Variants in NAE1 observed in about 807,000 individuals in gnomAD.
NAE1 encodes the protein NEDD8-activating enzyme E1 regulatory subunit.
NAE1 carries 59 observed loss-of-function variants against 88.0 expected under a neutral mutation model. The observed-to-expected ratio is 0.67, with a 90% CI of 0.54 to 0.83. The LOEUF (loss-of-function observed/expected upper bound fraction) is 0.83. Ranked by LOEUF, NAE1 falls within the 40% of genes least tolerant of loss-of-function variation. The probability of loss-of-function intolerance (pLI) is 0.00; values close to 1 mark genes in which losing one functional copy is unlikely to be tolerated. For synonymous variants in NAE1, 186 were observed against 208.9 expected (o/e 0.89, Z 0.95); for missense variants, 554 against 632.8 (o/e 0.88, Z 1.34).
intron 19 of NAE1, among the ~76,000 whole-genome samples, chr16:66,804,698 C>T (rs887253298): frequency 6.6e-6 from 1 of 152,028 alleles, no homozygotes; most frequent in Non-Finnish European, 1.5e-5. Flanking sequence ...AATCCTAACC[C>T]CCAGTGTAAT....
intron 15 of NAE1, 45 bp downstream of exon 15, chr16:66,810,329 C>T: frequency 4.8e-6 from 7 of 1,473,684 alleles, no homozygotes; most frequent in African/African-American, 1.4e-5. Flanking sequence ...CCCTGTGGCA[C>T]ATTTCTATCA....
intron 13 of NAE1, among the ~76,000 whole-genome samples, chr16:66,812,682 T>TA (rs1388119406): frequency 6.6e-6 from 1 of 151,360 alleles, no homozygotes; most frequent in African/African-American, 2.4e-5. Flanking sequence ...CACACCTGGC[T>TA]AATTTTTTGT....
At chr16:66,825,876 T>C (rs1321080920) in intron 3 of NAE1, among the ~76,000 whole-genome samples, 1 of 152,140 alleles carries the variant, frequency 6.6e-6, no homozygotes, top group East Asian at 1.9e-4. Flanking sequence ...TAACAAGACT[T>C]CTTGGTATAT....
intron 17 of NAE1, among the ~76,000 whole-genome samples, chr16:66,807,906 T>C (rs897902929): frequency 2.6e-5 from 4 of 151,956 alleles, no homozygotes; most frequent in African/African-American, 4.8e-5. Context: ...ATTAGTAGCA[T>C]ACTTTTTTTT....
intron 7 of NAE1, among the ~76,000 whole-genome samples, chr16:66,820,848 C>T (rs912975266): frequency 6.8e-6 from 1 of 147,838 alleles, no homozygotes; most frequent in South Asian, 2.1e-4. Flanking sequence ...TAGCAGTGAG[C>T]CAAGATCGCG....
chr16:66,810,886 G>GT, intron 13 of NAE1, 114 bp from the exon 14 acceptor site: 1 of 833,644 alleles, frequency 1.2e-6, no homozygotes, highest in Non-Finnish European at 1.9e-6. Flanking sequence ...GTCTGACAAT[G>GT]TATGAAATGT....
intron 1 of NAE1, among the ~76,000 whole-genome samples, chr16:66,830,031 G>A (rs1960630761): frequency 6.6e-6 from 1 of 152,088 alleles, no homozygotes; most frequent in African/African-American, 2.4e-5. Context: ...GATTACAGGC[G>A]CGCACCACCA....
chr16:66,827,244 C>T (rs12919222), intron 1 of NAE1, among the ~76,000 whole-genome samples: 1,997 of 151,322 alleles, frequency 0.013, 29 homozygotes, highest in Middle Eastern at 0.048. Context: ...TGTGAGCCAC[C>T]GTGCCCAGCC....
chr16:66,823,326 A>G lies in NAE1; in HGVS notation c.322-20T>C. ...TGGACTCTAAACAGGACAGCAAAGA[A>G]AAAAACAAACAAAAAAAACCAATTT... On this transcript the variant is annotated intron_variant, in intron 5 of 19. Coordinates refer to ENST00000290810, the MANE Select transcript of NAE1 (RefSeq NM_003905.4). 1 of 1,560,096 alleles carries G rather than the reference A, an allele frequency of 6.4e-7. No individual in the cohort carries two copies. The highest frequency in any genetic ancestry group is 8.7e-7 in the Non-Finnish European group (1 of 1,155,058).
Position 66,830,784 on chromosome 16 carries a change from A to T in NAE1, c.53+63T>A, listed in dbSNP as rs1960662224. Reference sequence around the variant, plus strand: ...GCCCGACCGCGCCGCCCGCGCCCTTAGGCCCGGCCCGAATGCTGGAAAGCC... The same window carrying T: ...GCCCGACCGCGCCGCCCGCGCCCTTTGGCCCGGCCCGAATGCTGGAAAGCC... On this transcript the variant is annotated intron_variant, in intron 1 of 19. Coordinates refer to ENST00000290810, the MANE Select transcript of NAE1 (RefSeq NM_003905.4). 30 of 1,457,216 alleles carry T rather than the reference A, an allele frequency of 2.1e-5. No homozygotes were observed. The Middle Eastern group carries it at 5.6e-4, about 27-fold the overall frequency. 90.3% of individuals were successfully genotyped at this position (1,457,216 alleles called of 1,614,324 possible).
rs1959912968 is a variant in NAE1 at position 66,813,662 on chromosome 16, C to G, written c.936G>C (p.Lys312Asn). The change falls in exon 13 of 20, where the codon AAG becomes AAC. Residue 312 changes from lysine to asparagine, a missense_variant. Physicochemically the swap from Lys to Asn is moderately conservative, Grantham distance 94. Coordinates refer to ENST00000290810, the MANE Select transcript of NAE1 (RefSeq NM_003905.4). Reference protein sequence around the residue: ...PSFWILARALKEFVAKEGQGN... With the variant: ...PSFWILARALNEFVAKEGQGN... ...CTTGACCCTCTTTGGCCACAAATTC[C>G]TTTAAGGCACGAGCTAAAATCCAAA... 6.2e-7 allele frequency: 1 copy of G among 1,613,942 alleles called. No homozygotes were observed. The highest frequency in any genetic ancestry group is 1.1e-5 in the South Asian group (1 of 91,032).
In NAE1 at chr16:66,830,946, G is replaced by A. The variant is rs376801449; in HGVS notation, c.-47C>T. The A allele has an allele frequency of 9.0e-5, 133 of 1,478,982 alleles. 1 individual carries two copies. In the Middle Eastern group the frequency reaches 1.6e-3, roughly 17 times the overall value. The allele number at this position is 1,478,982 out of a possible 1,614,324, so 91.6% of individuals were successfully genotyped here. On this transcript the variant is annotated 5_prime_UTR_variant, in exon 1 of 20. Transcript: ENST00000290810. ...AACAGCCGAGCCCCTGCGGAGCGCC[G>A]CCACCAGCTCCACAAGCGCGCAGGC... is the stretch of plus-strand genomic sequence containing the variant.
chr16:66,810,833 A>G, intron 13 of NAE1, 61 bp from the exon 14 acceptor site: 1 of 1,469,170 alleles, frequency 6.8e-7, no homozygotes. Context: ...TTAAATTGTT[A>G]CCATGAACAA....
chr16:66,807,856 C>T (rs1040849501), intron 17 of NAE1, among the ~76,000 whole-genome samples: 1 of 151,830 alleles, frequency 6.6e-6, no homozygotes, highest in African/African-American at 2.4e-5. Context: ...GATAACTAAA[C>T]AAAGAAATTC....
At chr16:66,805,319 T>A (rs7186114) in intron 19 of NAE1, among the ~76,000 whole-genome samples, 75,434 of 151,774 alleles carry the variant, frequency 0.5, 19,440 homozygotes, top group East Asian at 0.63. Flanking sequence ...AGAGGGTTAG[T>A]AAAAGGACAC....
chr16:66,815,609 C>T (rs1233248025), intron 11 of NAE1, among the ~76,000 whole-genome samples: 1 of 152,002 alleles, frequency 6.6e-6, no homozygotes, highest in Non-Finnish European at 1.5e-5. Flanking sequence ...CTGCCCTGGC[C>T]TCCCAAAGTG....
At chr16:66,805,695 A>G (rs1270119144) in intron 19 of NAE1, 82 bp downstream of exon 19, 18 of 1,183,184 alleles carry the variant, frequency 1.5e-5, no homozygotes, top group Non-Finnish European at 1.7e-5. Flanking sequence ...CCTAATTAAA[A>G]TAGCTAGACG....
chr16:66,823,435 G>T, intron 5 of NAE1, 94 bp downstream of exon 5: 1 of 1,332,228 alleles, frequency 7.5e-7, no homozygotes. Context: ...AATCATAAAT[G>T]ACACAAAGAT....
chr16:66,808,642 T>G (rs1223196279), intron 16 of NAE1, 29 bp from the exon 17 acceptor site: 7 of 1,475,988 alleles, frequency 4.7e-6, no homozygotes, highest in Non-Finnish European at 5.7e-6. Flanking sequence ...TCAGTTTAAT[T>G]TGGTTAATTT....
Sources: allele counts gnomAD v4.1 joint callset (sites outside exome capture counted in the v4.1 genomes callset), GRCh38; gene constraint gnomAD v4.1.1; transcripts MANE v1.5; gene names NCBI Gene and HGNC (gene_info 2026-07-23, HGNC 2026-07-21).